The following MTBP variants were observed in gnomAD, a reference collection of about 807,000 sequenced individuals.
The protein encoded by MTBP is MDM2 binding protein.
MTBP carries 101 observed loss-of-function variants against 117.0 expected under a neutral mutation model. The ratio of observed to expected loss-of-function variants is 0.86; its 90% CI spans 0.73 to 1.02. MTBP has a LOEUF of 1.02. MTBP is among the 50% of genes least tolerant of loss of function. The pLI, the probability that MTBP is intolerant of heterozygous loss-of-function variation, is 0.00. For synonymous variants in MTBP, 350 were observed against 351.5 expected (o/e 1.00, Z 0.05); for missense variants, 970 against 1,030.9 (o/e 0.94, Z 0.81).
At position 120,517,943 on chromosome 8, in the gene MTBP, A is replaced by C. The variant is rs1814948492; in HGVS notation, c.2339A>C (p.Gln780Pro). 6.2e-7 allele frequency: 1 copy of C among 1,612,612 alleles called. No individual in the cohort carries two copies. The highest frequency in any genetic ancestry group is 8.5e-7 in the Non-Finnish European group (1 of 1,179,052). Residue 780 changes from glutamine to proline, a missense_variant, in exon 19 of 22, where the codon CAA (glutamine) becomes CCA (proline). By Grantham distance (76) the Gln-to-Pro change is moderately conservative (BLOSUM62 -1). Transcript: ENST00000305949. ...YHHHVTSRKP[Q>P]TERSLPVTCP... ...CATCATGTGACATCCAGAAAGCCAC[A>C]AACAGAACGGTCCTTACCAGTGACT...
rs777529152 is a variant in MTBP, at chr8:120,455,661, C to T, written c.629+82C>T. 4.0e-4 allele frequency: 539 copies of T among 1,342,860 alleles called. 1 individual carries two copies. The highest frequency in any genetic ancestry group is 2.5e-4 in the Non-Finnish European group (245 of 976,726). 83.2% of individuals were successfully genotyped at this position (1,342,860 alleles called of 1,614,324 possible). On this transcript the variant is annotated intron_variant, in intron 6 of 21. Coordinates refer to ENST00000305949, the MANE Select transcript of MTBP (RefSeq NM_022045.5). ...CATACTATTCTCTTTTCAGACTCAG[C>T]GTTTGAAAATTATTTTAATATGACA...
chr8:120,464,127 A>C (rs993506877), intron 10 of MTBP, among the ~76,000 whole-genome samples: 1 of 152,116 alleles, frequency 6.6e-6, no homozygotes, highest in South Asian at 2.1e-4. Context: ...TCTTTTTCTC[A>C]TTGTAGGGCA....
chr8:120,465,683 G>C (rs1376899567), intron 10 of MTBP, among the ~76,000 whole-genome samples: 1 of 115,486 alleles, frequency 8.7e-6, no homozygotes, highest in Non-Finnish European at 1.7e-5. Flanking sequence ...TTTTTGAGAC[G>C]GAGTCTCGCT....
rs763213998 is a variant in MTBP, at chr8:120,517,986, T to A, written c.2382T>A (p.Ile794=). Residue 794 remains isoleucine (I), a synonymous_variant, in exon 19 of 22, where the codon ATT becomes ATA. Transcript: ENST00000305949. ...CAGTGACTTGTCCATTGGTTCCAATTCCTAGCTGTGAAACTCCAAAACTTG... is the reference window on the plus strand; with the variant it reads ...CAGTGACTTGTCCATTGGTTCCAATACCTAGCTGTGAAACTCCAAAACTTG... The part of the protein sequence containing the change: ...SLPVTCPLVP[I]PSCETPKLAT... 9.9e-6 allele frequency: 16 copies of A among 1,612,738 alleles called. No homozygotes were observed. Among genetic ancestry groups the A allele is most frequent in the Admixed American group, 8.4e-5 (5 of 59,868 alleles).
chr8:120,520,423 A>G (rs1814992642), intron 20 of MTBP, among the ~76,000 whole-genome samples: 1 of 152,166 alleles, frequency 6.6e-6, no homozygotes, highest in Non-Finnish European at 1.5e-5. Context: ...GGATTAATAC[A>G]GAAGATCCAA....
chr8:120,506,685 T>G (rs1450939102), intron 15 of MTBP, 21 bp from the exon 16 acceptor site: 10 of 1,555,842 alleles, frequency 6.4e-6, no homozygotes, highest in Non-Finnish European at 8.7e-6. Flanking sequence ...TTAATAAATC[T>G]GCATAACATT....
rs1171521177 is a variant in MTBP, at chr8:120,455,562, A to G, written c.612A>G (p.Ala204=). ...REWYSAKITI[A]GNHCEINCQK... ...GGTATTCAGCAAAGATCACTATAGC[A>G]GGAAATCATTGTGAAATGTAAGCTT... Residue 204 remains alanine (A), a synonymous_variant, in exon 6 of 22, where the codon GCA becomes GCG. Transcript: ENST00000305949. 2 of 1,608,970 alleles carry G rather than the reference A, an allele frequency of 1.2e-6. No homozygotes were observed.
At chr8:120,479,347 A>G (rs1372953136) in intron 11 of MTBP, among the ~76,000 whole-genome samples, 1 of 152,220 alleles carries the variant, frequency 6.6e-6, no homozygotes. Context: ...TATAAATTTC[A>G]TCTTGAGAAA....
chr8:120,460,490 G>A (rs974823782), intron 8 of MTBP, among the ~76,000 whole-genome samples: 3 of 152,102 alleles, frequency 2.0e-5, no homozygotes, highest in African/African-American at 7.2e-5. Flanking sequence ...TCTTCAAGAA[G>A]TGTGCTCTTT....
In MTBP at chr8:120,506,722, C is replaced by T. The variant is rs1563803617; in HGVS notation, c.1744C>T (p.His582Tyr). 4.4e-6 allele frequency: 7 copies of T among 1,607,760 alleles called. No individual in the cohort carries two copies. In the East Asian group the frequency reaches 1.6e-4, roughly 36 times the overall value. ...TTTTCCCAGAACTGGTTCATTACCT[C>T]ATTCATCTGAACAGTTGCTGGGCCA... is the stretch of plus-strand genomic sequence containing the variant. ...KQKMRTGSLP[H>Y]SSEQLLGHKE... Residue 582 changes from histidine to tyrosine, a missense_variant, in exon 16 of 22, where the codon CAT (histidine) becomes TAT (tyrosine). By Grantham distance (83) the His-to-Tyr change is moderately conservative. Coordinates refer to ENST00000305949, the MANE Select transcript of MTBP (RefSeq NM_022045.5).
chr8:120,517,893 A>T lies in MTBP; in HGVS notation c.2289A>T (p.Thr763=). ...SESSESLLSQ[T]TGNSNHYHHH... is the part of the protein sequence containing the mutation. ...GTTCAGAGTCTCTTCTTTCTCAGAC[A>T]ACTGGTAATAGTAATCACTATCATC... The change falls in exon 19 of 22, where the codon ACA becomes ACT. Residue 763 remains threonine (T), a synonymous_variant. Transcript: ENST00000305949. The T allele has an allele frequency of 6.2e-7, 1 of 1,611,554 alleles. No homozygotes were observed. Among genetic ancestry groups the T allele is most frequent in the Non-Finnish European group, 8.5e-7 (1 of 1,178,068 alleles).
chr8:120,516,879 T>A (rs931474565), intron 18 of MTBP, among the ~76,000 whole-genome samples: 45 of 152,012 alleles, frequency 3.0e-4, no homozygotes, highest in African/African-American at 1.0e-3. Flanking sequence ...TTTCAGATCT[T>A]TTTTTGAATA....
chr8:120,471,565 A>T (rs1813817424), intron 11 of MTBP: 1 of 152,250 alleles, frequency 6.6e-6, no homozygotes, highest in African/African-American at 2.4e-5. Flanking sequence ...CGCCTCCCAG[A>T]GTGCTAGGAT....
chr8:120,491,990 A>C (rs546593116), intron 13 of MTBP, among the ~76,000 whole-genome samples: 44 of 152,266 alleles, frequency 2.9e-4, no homozygotes, highest in African/African-American at 1.0e-3. Flanking sequence ...GGCAGGAGAG[A>C]GTACAGAAAT....
Position 120,490,493 on chromosome 8 carries a change from AT to A in MTBP, c.1375del (p.Ser459LeufsTer12), listed in dbSNP as rs1166501052. On this transcript the variant is annotated frameshift_variant, in exon 13 of 22. Transcript: ENST00000305949. LOFTEE classifies it high-confidence loss of function. ...CCTTTTGACTTATTATCACTTCCACATTTTTCTGGGGAGCAGATTGTACAGA... is the reference window on the plus strand; with the variant it reads ...CCTTTTGACTTATTATCACTTCCACATTTTCTGGGGAGCAGATTGTACAGA... ...SFPFDLLSLP[H>X]FSGEQIVQRE... 3 of 1,603,474 alleles carry A rather than the reference AT, an allele frequency of 1.9e-6. No individual in the cohort carries two copies.
intron 2 of MTBP, among the ~76,000 whole-genome samples, chr8:120,449,168 G>A (rs1476398264): frequency 1.3e-5 from 2 of 152,066 alleles, no homozygotes; most frequent in Non-Finnish European, 2.9e-5. Flanking sequence ...AGATCTGAAG[G>A]AAATTATGGG....
At chr8:120,497,607 C>A in intron 14 of MTBP, 53 bp downstream of exon 14, 1 of 1,063,784 alleles carries the variant, frequency 9.4e-7, no homozygotes, top group Non-Finnish European at 1.3e-6. Context: ...GCAACTATGA[C>A]ATTTATTATT....
chr8:120,498,860 T>A (rs1276934202), intron 14 of MTBP, among the ~76,000 whole-genome samples: 1 of 152,072 alleles, frequency 6.6e-6, no homozygotes. Context: ...TACCAGAGGA[T>A]GTGTATGGGA....
chr8:120,446,478 G>C lies in MTBP; in HGVS notation c.164G>C (p.Ser55Thr). The C allele has an allele frequency of 6.2e-7, 1 of 1,607,872 alleles. No individual in the cohort carries two copies. Among genetic ancestry groups the C allele is most frequent in the Non-Finnish European group, 8.5e-7 (1 of 1,174,702 alleles). Residue 55 changes from serine to threonine, a missense_variant, in exon 2 of 22, where the codon AGT becomes ACT. Physicochemically the swap from Ser to Thr is moderately conservative, Grantham distance 58. Transcript: ENST00000305949. Reference protein sequence around the residue: ...NVYHLLKRSISASINPEDSTF... With the variant: ...NVYHLLKRSITASINPEDSTF... Reference sequence around the variant, plus strand: ...TATCACCTCTTGAAAAGAAGCATTAGTGCTTCAATTAATCCAGAAGATAGT... The same window carrying C: ...TATCACCTCTTGAAAAGAAGCATTACTGCTTCAATTAATCCAGAAGATAGT...
Sources: allele counts gnomAD v4.1 joint callset (sites outside exome capture counted in the v4.1 genomes callset), GRCh38; gene constraint gnomAD v4.1.1; transcripts MANE v1.5; gene names NCBI Gene and HGNC (gene_info 2026-07-23, HGNC 2026-07-21).